The following PHF24 variants were observed in gnomAD, a reference collection of about 807,000 sequenced individuals.
PHF24 encodes the protein PHD finger protein 24.
In PHF24, 25 loss-of-function variants were observed where a neutral mutation model predicts 42.6. That is an observed-to-expected ratio of 0.59 (90% CI 0.43 to 0.82). The LOEUF is 0.82. PHF24 is among the 40% of genes least tolerant of loss of function. The probability of loss-of-function intolerance (pLI) is 0.00; values close to 1 mark genes in which losing one functional copy is unlikely to be tolerated. For synonymous variants in PHF24, 185 were observed against 204.8 expected (o/e 0.90, Z 0.83); for missense variants, 470 against 538.1 (o/e 0.87, Z 1.25).
At chr9:34,764,883 G>T in the PHF24 span, among the ~76,000 whole-genome samples, 1 of 151,190 alleles carries the variant, frequency 6.6e-6, no homozygotes, top group African/African-American at 2.4e-5. Context: ...GTGTCCCAGA[G>T]ATTCTGGTAT....
At chr9:34,782,346 A>G in the PHF24 span, among the ~76,000 whole-genome samples, 5 of 152,192 alleles carry the variant, frequency 3.3e-5, no homozygotes, top group African/African-American at 1.2e-4. Context: ...GTTTTCTGGT[A>G]GACACACATC....
At chr9:34,690,250 A>G in the PHF24 span, 2 of 1,614,044 alleles carry the variant, frequency 1.2e-6, no homozygotes, top group Non-Finnish European at 1.7e-6. Context: ...ATGAGAAGGT[A>G]GTGGAAGTTC....
chr9:34,767,016 G>C, the PHF24 span, among the ~76,000 whole-genome samples: 1 of 152,208 alleles, frequency 6.6e-6, no homozygotes. Context: ...CAGATCAGTG[G>C]ATTTTCGTGA....
the PHF24 span, among the ~76,000 whole-genome samples, chr9:34,845,771 C>G: frequency 8.0e-4 from 104 of 130,204 alleles, no homozygotes; most frequent in African/African-American, 2.8e-3. Context: ...CACAACAGTC[C>G]CCAGAGTGTG....
the PHF24 span, chr9:34,666,080 C>A: frequency 8.4e-6 from 2 of 238,984 alleles, no homozygotes; most frequent in Non-Finnish European, 8.4e-6. Flanking sequence ...GATGCCGTTG[C>A]GCACTAGGTT....
the PHF24 span, among the ~76,000 whole-genome samples, chr9:34,761,010 T>G: frequency 6.7e-6 from 1 of 149,522 alleles, no homozygotes; most frequent in East Asian, 2.0e-4. Flanking sequence ...AAAAAAGTAA[T>G]CTGCTCCAGT....
the PHF24 span, among the ~76,000 whole-genome samples, chr9:34,759,430 G>T: frequency 2.0e-5 from 3 of 152,126 alleles, no homozygotes; most frequent in African/African-American, 7.2e-5. Context: ...ATAGTGTGCG[G>T]AGTCCTCCTT....
the PHF24 span, among the ~76,000 whole-genome samples, chr9:34,738,839 C>T: frequency 6.6e-6 from 1 of 152,212 alleles, no homozygotes; most frequent in Non-Finnish European, 1.5e-5. Context: ...GGACATCATG[C>T]TTATACCTAG....
At chr9:34,724,779 G>T in the PHF24 span, 3 of 1,551,618 alleles carry the variant, frequency 1.9e-6, no homozygotes, top group Non-Finnish European at 2.6e-6. Flanking sequence ...GGCTCTGCTG[G>T]GATTTCCACG....
the PHF24 span, among the ~76,000 whole-genome samples, chr9:34,853,023 C>A: frequency 1.3e-5 from 2 of 152,140 alleles, no homozygotes; most frequent in Admixed American, 6.5e-5. Context: ...TGAGAGAGGG[C>A]ATCCTTGTCT....
chr9:34,683,068 T>C, the PHF24 span, among the ~76,000 whole-genome samples: 2 of 148,668 alleles, frequency 1.3e-5, no homozygotes, highest in South Asian at 2.1e-4. Context: ...TTTCTCTCTT[T>C]TTTTTTTTTT....
chr9:34,872,967 T>C, the PHF24 span, among the ~76,000 whole-genome samples: 3 of 151,516 alleles, frequency 2.0e-5, no homozygotes, highest in South Asian at 2.1e-4. Context: ...GTGATGAGCA[T>C]TTTTTCATGT....
chr9:34,803,769 G>A, the PHF24 span, among the ~76,000 whole-genome samples: 3 of 152,068 alleles, frequency 2.0e-5, no homozygotes, highest in South Asian at 4.1e-4. Flanking sequence ...GCAGTAGACC[G>A]TTTTACATAT....
At chr9:34,878,796 T>C in the PHF24 span, among the ~76,000 whole-genome samples, 1 of 152,204 alleles carries the variant, frequency 6.6e-6, no homozygotes, top group African/African-American at 2.4e-5. Flanking sequence ...GGGCAGGGCA[T>C]AGCAGAATAA....
At chr9:34,693,781 G>A in the PHF24 span, among the ~76,000 whole-genome samples, 1 of 152,272 alleles carries the variant, frequency 6.6e-6, no homozygotes, top group South Asian at 2.1e-4. Context: ...CTGCTATGTT[G>A]TTATGTTTAT....
chr9:34,894,282 C>T, the PHF24 span, among the ~76,000 whole-genome samples: 2 of 152,156 alleles, frequency 1.3e-5, no homozygotes, highest in African/African-American at 4.8e-5. Context: ...CTGGCCCAGC[C>T]CCCCTGCCCT....
In PHF24 at chr9:34,958,492, G is replaced by T. The variant is rs1826471166; in HGVS notation, c.-5+91G>T. On this transcript the variant is annotated intron_variant, in intron 1 of 7. Transcript: ENST00000242315. The surrounding 1 kb of genome is among the most constrained non-coding windows in gnomAD (Gnocchi z 4.5). Reference sequence around the variant, plus strand: ...AGTCCTCCGGGACTCTGAGGTGCTTGTGTGGGAGCCGCCTCCAAGGTGGCC... The same window carrying T: ...AGTCCTCCGGGACTCTGAGGTGCTTTTGTGGGAGCCGCCTCCAAGGTGGCC... 1 of 150,968 alleles carries T rather than the reference G, an allele frequency of 6.6e-6. No homozygotes were observed. Among genetic ancestry groups the T allele is most frequent in the South Asian group, 2.1e-4 (1 of 4,794 alleles). The allele number at this position is 150,968 out of a possible 1,614,324, so 9.4% of individuals were successfully genotyped here.
chr9:34,960,655 T>C (rs1826558596), intron 1 of PHF24, among the ~76,000 whole-genome samples: 1 of 152,190 alleles, frequency 6.6e-6, no homozygotes, highest in South Asian at 2.1e-4. Flanking sequence ...TTGTTGAGGG[T>C]GCTTATTATC....
chr9:34,767,963 G>T, the PHF24 span, among the ~76,000 whole-genome samples: 1 of 152,206 alleles, frequency 6.6e-6, no homozygotes, highest in East Asian at 1.9e-4. Flanking sequence ...CACTATGGAA[G>T]TCAGTGGCTT....
Sources: allele counts gnomAD v4.1 joint callset (sites outside exome capture counted in the v4.1 genomes callset), GRCh38; gene constraint gnomAD v4.1.1; non-coding constraint Gnocchi (gnomAD v3.1); transcripts MANE v1.5; gene names NCBI Gene and HGNC (gene_info 2026-07-23, HGNC 2026-07-21).